Variants in ELFN1 observed in about 807,000 individuals in gnomAD.
The protein encoded by ELFN1 is extracellular leucine rich repeat and fibronectin type III domain containing 1.
In ELFN1, 6 loss-of-function variants were observed where a neutral mutation model predicts 7.6. That is an observed-to-expected ratio of 0.79 (90% CI 0.43 to 1.56). ELFN1 has a LOEUF of 1.56. ELFN1 is among the 40% of genes most tolerant of loss of function. ELFN1 has a pLI of 0.01. For missense variants in ELFN1, 1,169 were observed against 1,232.2 expected (o/e 0.95, Z 0.77); for synonymous variants, 657 against 588.1 (o/e 1.12, Z -1.70).
intron 3 of ELFN1, among the ~76,000 whole-genome samples, chr7:1,726,553 G>A (rs549837141): frequency 3.9e-5 from 6 of 152,340 alleles, no homozygotes; most frequent in African/African-American, 1.2e-4. Flanking sequence ...CCCCTGGGGT[G>A]TGGCAGCTGC....
At chr7:1,742,819 A>G (rs1780664816) in intron 3 of ELFN1, among the ~76,000 whole-genome samples, 2 of 152,208 alleles carry the variant, frequency 1.3e-5, no homozygotes, top group South Asian at 4.1e-4. Context: ...TTCTTTATGA[A>G]GTTTCCAAAG....
intron 2 of ELFN1, among the ~76,000 whole-genome samples, chr7:1,701,695 G>T (rs767233516): frequency 1.2e-4 from 19 of 152,128 alleles, no homozygotes; most frequent in Non-Finnish European, 2.2e-4. Context: ...CTAGCTACTT[G>T]GGAGGCTGGG....
At chr7:1,688,238 T>G (rs896879342) in intron 2 of ELFN1, 88 bp downstream of exon 2, 1 of 152,156 alleles carries the variant, frequency 6.6e-6, no homozygotes, top group African/African-American at 2.4e-5. Flanking sequence ...TAGTAATTCT[T>G]AATTTTTTGA....
At chr7:1,675,391 G>A (rs911919168) in intron 1 of ELFN1, among the ~76,000 whole-genome samples, 2 of 152,230 alleles carry the variant, frequency 1.3e-5, no homozygotes, top group Non-Finnish European at 2.9e-5. Flanking sequence ...ACATTTGGAG[G>A]CTGTTGGGTT....
chr7:1,682,539 C>G (rs1330115968), intron 1 of ELFN1, among the ~76,000 whole-genome samples: 1 of 151,968 alleles, frequency 6.6e-6, no homozygotes, highest in Non-Finnish European at 1.5e-5. Context: ...TTCCTGGGCT[C>G]AAGTGATCTC....
intron 3 of ELFN1, among the ~76,000 whole-genome samples, chr7:1,734,131 C>T (rs1025504491): frequency 3.9e-5 from 6 of 152,216 alleles, no homozygotes; most frequent in Admixed American, 6.5e-5. Flanking sequence ...GAACTTCCAG[C>T]TGCCAGGGTT....
rs140927159 is a variant in ELFN1 at position 1,715,160 on chromosome 7, C to A, written c.-294+5908C>A. Among the ~76,000 whole-genome samples, 241 of 152,326 alleles carry A rather than the reference C, an allele frequency of 1.6e-3. 1 individual carries two copies. Among genetic ancestry groups the A allele is most frequent in the African/African-American group, 5.6e-3 (232 of 41,576 alleles). Reference sequence around the variant, plus strand: ...CAGAGAAGAGCCGTTCTCTTGCCCACGGCAGTCACTGCTGCCTTTGGGTTG... The same window carrying A: ...CAGAGAAGAGCCGTTCTCTTGCCCAAGGCAGTCACTGCTGCCTTTGGGTTG... On this transcript the variant is annotated intron_variant, in intron 3 of 3. Transcript: ENST00000424383.
At chr7:1,683,593 C>A (rs1011291755) in intron 1 of ELFN1, among the ~76,000 whole-genome samples, 7 of 152,148 alleles carry the variant, frequency 4.6e-5, no homozygotes, top group African/African-American at 1.7e-4. Flanking sequence ...TCTGTCCTTG[C>A]TGGTTTTCTG....
chr7:1,715,141 A>C (rs1779790311), intron 3 of ELFN1, among the ~76,000 whole-genome samples: 1 of 152,222 alleles, frequency 6.6e-6, no homozygotes, highest in Non-Finnish European at 1.5e-5. Flanking sequence ...ACGGCAGAGA[A>C]GAGCCGTTCT....
intron 3 of ELFN1, among the ~76,000 whole-genome samples, chr7:1,725,898 ACT>A (rs1011513800): frequency 3.3e-5 from 5 of 151,802 alleles, no homozygotes; most frequent in Non-Finnish European, 5.9e-5. Context: ...ACAAATACAC[ACT>A]CACACAAAAA....
chr7:1,671,441 G>A (rs1778765463), intron 1 of ELFN1, among the ~76,000 whole-genome samples: 1 of 152,248 alleles, frequency 6.6e-6, no homozygotes. Context: ...CCCTGGCTTG[G>A]GCTGGCTGCC....
chr7:1,690,902 C>T (rs1036906091), intron 2 of ELFN1, among the ~76,000 whole-genome samples: 2 of 151,870 alleles, frequency 1.3e-5, no homozygotes, highest in Non-Finnish European at 2.9e-5. Flanking sequence ...GAATGGATGC[C>T]TGAATGAGGG....
At chr7:1,720,427 C>G (rs1392679426) in intron 3 of ELFN1, among the ~76,000 whole-genome samples, 2 of 152,328 alleles carry the variant, frequency 1.3e-5, no homozygotes, top group Non-Finnish European at 2.9e-5. Flanking sequence ...CCCAACAAGC[C>G]TCAGGAATGG....
intron 2 of ELFN1, chr7:1,692,751 C>T (rs1457604901): frequency 6.5e-6 from 1 of 154,942 alleles, no homozygotes; most frequent in South Asian, 2.0e-4. Context: ...CCTGACTCTG[C>T]TGTGTGACCT....
chr7:1,700,397 C>A (rs1273772078), intron 2 of ELFN1, among the ~76,000 whole-genome samples: 29 of 152,236 alleles, frequency 1.9e-4, no homozygotes, highest in Admixed American at 1.8e-3. Flanking sequence ...ACCAGCATTC[C>A]TGGACAATTG....
chr7:1,682,460 A>G lies in ELFN1; in HGVS notation c.-548-5598A>G, dbSNP rs573453300. Among the ~76,000 whole-genome samples, 32 of 152,032 alleles carry G rather than the reference A, an allele frequency of 2.1e-4. 1 individual carries two copies. Among genetic ancestry groups the G allele is most frequent in the African/African-American group, 7.0e-4 (29 of 41,438 alleles). ...TTTATTTTATTTTTTTTATTTTCAG[A>G]GACAGGGTCTTACTCTGTTTCCCAG... On this transcript the variant is annotated intron_variant, in intron 1 of 3. Transcript: ENST00000424383.
chr7:1,684,852 A>G (rs1056420165), intron 1 of ELFN1, among the ~76,000 whole-genome samples: 2 of 152,218 alleles, frequency 1.3e-5, no homozygotes, highest in African/African-American at 4.8e-5. Flanking sequence ...GCTTTATACA[A>G]TCTTATGTTT....
intron 2 of ELFN1, chr7:1,693,354 G>A (rs1222712089): frequency 2.1e-6 from 1 of 468,460 alleles, no homozygotes; most frequent in Non-Finnish European, 4.4e-6. Flanking sequence ...GCGTGGGCTT[G>A]GACTGCCCAG....
In ELFN1 at chr7:1,673,051, C is replaced by G. The variant is rs952164534; in HGVS notation, c.-549+2697C>G. On this transcript the variant is annotated intron_variant, in intron 1 of 3. Transcript: ENST00000424383. This position sits in a 1 kb window ranked among gnomAD's most constrained non-coding sequence, Gnocchi z 4.7. ...AACCTGGAGCGGATGGTGGCACCGC[C>G]GCGGACATTGGATACATTTGTCATC... 2.6e-5 allele frequency among the ~76,000 whole-genome samples: 4 copies of G among 151,760 alleles called. No individual in the cohort carries two copies. The highest frequency in any genetic ancestry group is 9.7e-5 in the African/African-American group (4 of 41,196).
Sources: allele counts gnomAD v4.1 joint callset (sites outside exome capture counted in the v4.1 genomes callset), GRCh38; gene constraint gnomAD v4.1.1; non-coding constraint Gnocchi (gnomAD v3.1); transcripts MANE v1.5; gene names NCBI Gene and HGNC (gene_info 2026-07-23, HGNC 2026-07-21).